Variants in TAFA1 observed in about 807,000 individuals in gnomAD.
The protein encoded by TAFA1 is chemokine-like protein TAFA-1.
Under a neutral mutation model 18.5 loss-of-function variants are expected in TAFA1, and 4 were observed. The observed-to-expected ratio is 0.22, with a 90% confidence interval of 0.11 to 0.49. The LOEUF (loss-of-function observed/expected upper bound fraction) is 0.49, where lower values mean the gene tolerates loss of function less well. Among genes scored for constraint, TAFA1 ranks in the 20% least tolerant of loss-of-function variants. The pLI, the probability that TAFA1 is intolerant of heterozygous loss-of-function variation, is 0.98. For synonymous variants in TAFA1, 56 were observed against 55.2 expected (o/e 1.01, Z -0.06); for missense variants, 147 against 169.0 (o/e 0.87, Z 0.72).
At chr3:68,410,610 TC>T (rs1220290134) in intron 2 of TAFA1, among the ~76,000 whole-genome samples, 2 of 148,752 alleles carry the variant, frequency 1.3e-5, no homozygotes, top group African/African-American at 2.5e-5. Context: ...TTATTCTATA[TC>T]CTCTGCCATT....
intron 2 of TAFA1, among the ~76,000 whole-genome samples, chr3:68,086,721 G>T (rs535784884): frequency 6.6e-6 from 1 of 152,196 alleles, no homozygotes; most frequent in East Asian, 1.9e-4. Flanking sequence ...CAATAATAAT[G>T]ATTTTGAAAT....
chr3:68,526,400 A>T (rs1418995189), intron 3 of TAFA1, among the ~76,000 whole-genome samples: 5 of 152,200 alleles, frequency 3.3e-5, no homozygotes, highest in African/African-American at 1.2e-4. Flanking sequence ...AATACCTTAC[A>T]ATCAGTGTAC....
chr3:68,458,140 TG>T (rs1049106375), intron 3 of TAFA1, among the ~76,000 whole-genome samples: 4 of 152,104 alleles, frequency 2.6e-5, no homozygotes, highest in Admixed American at 1.3e-4. Flanking sequence ...GTTCTCACGA[TG>T]GTAAGAGAGT....
At chr3:68,036,293 G>A (rs1705045797) in intron 2 of TAFA1, among the ~76,000 whole-genome samples, 1 of 151,950 alleles carries the variant, frequency 6.6e-6, no homozygotes, top group Non-Finnish European at 1.5e-5. Flanking sequence ...ACAAAAATTA[G>A]CCATGCATGG....
intron 2 of TAFA1, among the ~76,000 whole-genome samples, chr3:68,044,337 G>T (rs1209779865): frequency 6.6e-6 from 1 of 152,182 alleles, no homozygotes; most frequent in Non-Finnish European, 1.5e-5. Flanking sequence ...TGAAACCCTA[G>T]TGTCTTACAA....
At chr3:68,110,076 C>T (rs768815730) in intron 2 of TAFA1, among the ~76,000 whole-genome samples, 1 of 152,142 alleles carries the variant, frequency 6.6e-6, no homozygotes, top group African/African-American at 2.4e-5. Context: ...ATCCACCCAT[C>T]ACCTTGTATT....
At chr3:68,282,705 T>C (rs1167025657) in intron 2 of TAFA1, among the ~76,000 whole-genome samples, 1 of 152,134 alleles carries the variant, frequency 6.6e-6, no homozygotes, top group Non-Finnish European at 1.5e-5. Flanking sequence ...ATCTTGTCTG[T>C]GAAGAGGGAA....
chr3:68,237,575 C>T (rs933118369), intron 2 of TAFA1, among the ~76,000 whole-genome samples: 2 of 152,156 alleles, frequency 1.3e-5, no homozygotes, highest in Admixed American at 1.3e-4. Flanking sequence ...TAACTCCTGG[C>T]ATCCTGAGGG....
At chr3:68,519,049 G>A (rs1479334417) in intron 3 of TAFA1, among the ~76,000 whole-genome samples, 1 of 152,190 alleles carries the variant, frequency 6.6e-6, no homozygotes, top group East Asian at 1.9e-4. Context: ...AGGTGGTTGA[G>A]CTTGTTGGTC....
chr3:68,117,601 G>A (rs990464381), intron 2 of TAFA1, among the ~76,000 whole-genome samples: 1 of 152,156 alleles, frequency 6.6e-6, no homozygotes, highest in South Asian at 2.1e-4. Context: ...CTGCAAATGA[G>A]AGTTTCACAG....
intron 3 of TAFA1, among the ~76,000 whole-genome samples, chr3:68,476,441 G>T (rs2072098462): frequency 6.6e-6 from 1 of 152,132 alleles, no homozygotes; most frequent in Admixed American, 6.5e-5. Flanking sequence ...AGATGACATT[G>T]GGGATTTTGA....
rs539074840 is a variant in TAFA1 at position 68,218,594 on chromosome 3, T to C, written c.119-198686T>C. Among the ~76,000 whole-genome samples the C allele has an allele frequency of 2.0e-5, 3 of 152,264 alleles. No homozygotes were observed. In the South Asian group the frequency reaches 6.2e-4, roughly 32 times the overall value. ...TCCAGTCTATGAAAGTTAATACCAG[T>C]AACTGCTACCTTCAAATACTGGAAA... On this transcript the variant is annotated intron_variant, in intron 2 of 4. Transcript: ENST00000478136.
At chr3:68,309,032 C>T (rs1475408959) in intron 2 of TAFA1, among the ~76,000 whole-genome samples, 1 of 152,116 alleles carries the variant, frequency 6.6e-6, no homozygotes, top group East Asian at 1.9e-4. Flanking sequence ...TACCCTTGAT[C>T]TGGAATGCTC....
chr3:68,116,778 A>G (rs187525659), intron 2 of TAFA1, among the ~76,000 whole-genome samples: 3 of 152,320 alleles, frequency 2.0e-5, no homozygotes, highest in African/African-American at 7.2e-5. Context: ...GCACAGAACA[A>G]AGGTTGGCAA....
chr3:68,423,424 TTCA>T (rs2070995637), intron 3 of TAFA1, among the ~76,000 whole-genome samples: 1 of 152,106 alleles, frequency 6.6e-6, no homozygotes, highest in Non-Finnish European at 1.5e-5. Context: ...GGGCTCATCA[TTCA>T]TCAAGCATAG....
intron 2 of TAFA1, among the ~76,000 whole-genome samples, chr3:68,175,804 A>G (rs2066117229): frequency 6.6e-6 from 1 of 152,094 alleles, no homozygotes; most frequent in Non-Finnish European, 1.5e-5. Flanking sequence ...AAATGTAAGA[A>G]CATGAGATTT....
intron 3 of TAFA1, among the ~76,000 whole-genome samples, chr3:68,484,444 T>G (rs2072300276): frequency 6.6e-6 from 1 of 152,072 alleles, no homozygotes; most frequent in Non-Finnish European, 1.5e-5. Context: ...AGGAATTAAT[T>G]TGGGATGTGT....
Position 68,357,890 on chromosome 3 carries a change from T to G in TAFA1, c.119-59390T>G, listed in dbSNP as rs115182441. Among the ~76,000 whole-genome samples, 1,162 of 152,062 alleles carry G rather than the reference T, an allele frequency of 7.6e-3. 17 individuals carry two copies. Among genetic ancestry groups the G allele is most frequent in the African/African-American group, 0.027 (1,106 of 41,524 alleles). On this transcript the variant is annotated intron_variant, in intron 2 of 4. Coordinates refer to ENST00000478136, the MANE Select transcript of TAFA1 (RefSeq NM_213609.4). Reference sequence around the variant, plus strand: ...TTTGGGATCTTGGAAATTGGAGAGATAATTTTTCTTTAAGAGGTGATAGAA... The same window carrying G: ...TTTGGGATCTTGGAAATTGGAGAGAGAATTTTTCTTTAAGAGGTGATAGAA...
intron 2 of TAFA1, among the ~76,000 whole-genome samples, chr3:68,298,093 C>T (rs1425024930): frequency 6.6e-6 from 1 of 152,126 alleles, no homozygotes; most frequent in East Asian, 1.9e-4. Context: ...TCTTTTTCAT[C>T]CATTAGGCAG....
Sources: allele counts gnomAD v4.1 joint callset (sites outside exome capture counted in the v4.1 genomes callset), GRCh38; gene constraint gnomAD v4.1.1; transcripts MANE v1.5; gene names NCBI Gene and HGNC (gene_info 2026-07-23, HGNC 2026-07-21).